Variants in PCNT observed in about 807,000 individuals in gnomAD.
PCNT encodes the protein kendrin.
PCNT carries 319 observed loss-of-function variants against 380.4 expected under a neutral mutation model. The ratio of observed to expected loss-of-function variants is 0.84; its 90% CI spans 0.77 to 0.92. The LOEUF is 0.92. PCNT is among the 40% of genes least tolerant of loss of function. The probability of loss-of-function intolerance (pLI) is 0.00; values close to 1 mark genes in which losing one functional copy is unlikely to be tolerated. For missense variants in PCNT, 4,400 were observed against 4,255.3 expected, an observed-to-expected ratio of 1.03 and a Z score of -0.95; for synonymous variants, 1,845 against 1,735.2, an observed-to-expected ratio of 1.06 and a Z score of -1.57.
chr21:46,412,082 C>G lies in PCNT; in HGVS notation c.5994+15C>G. On this transcript the variant is annotated intron_variant, in intron 28 of 46. Transcript: ENST00000359568. Reference sequence around the variant, plus strand: ...CTGACCCACAGGTGGGCTCCCCCCGCGGGCCATGGCAGGGTATTTTTTTTT... The same window carrying G: ...CTGACCCACAGGTGGGCTCCCCCCGGGGGCCATGGCAGGGTATTTTTTTTT... 1 of 1,603,098 alleles carries G rather than the reference C, an allele frequency of 6.2e-7. No individual in the cohort carries two copies. The highest frequency in any genetic ancestry group is 8.5e-7 in the Non-Finnish European group (1 of 1,179,462).
intron 15 of PCNT, among the ~76,000 whole-genome samples, chr21:46,369,323 C>T (rs915677271): frequency 6.6e-6 from 1 of 152,236 alleles, no homozygotes; most frequent in African/African-American, 2.4e-5. Context: ...ATCCTCTTGC[C>T]TTGGCCTCCC....
At position 46,349,693 on chromosome 21, in the gene PCNT, G is replaced by A. The variant is rs1327374022; in HGVS notation, c.1217G>A (p.Arg406Lys). 3 of 1,613,958 alleles carry A rather than the reference G, an allele frequency of 1.9e-6. No homozygotes were observed. ...TGCTTTACCTTTCTAGGGGCCCTTA[G>A]GAACCTGGAGAGTCATCATCAAGCA... ...QDKNQAERAL[R>K]NLESHHQAAI... is the part of the protein sequence containing the mutation. The change falls in exon 8 of 47, where the codon AGG (arginine) becomes AAG (lysine). Residue 406 changes from arginine (R) to lysine (K), a missense_variant. By Grantham distance (26) the Arg-to-Lys change is conservative. Coordinates refer to ENST00000359568, the MANE Select transcript of PCNT (RefSeq NM_006031.6).
chr21:46,394,961 C>G (rs1471063741), intron 21 of PCNT, among the ~76,000 whole-genome samples: 1 of 152,226 alleles, frequency 6.6e-6, no homozygotes, highest in East Asian at 1.9e-4. Context: ...TCAGCAGGCA[C>G]CCTGCCCCAG....
chr21:46,401,701 C>T lies in PCNT; in HGVS notation c.4942C>T (p.Leu1648Phe), dbSNP rs774208397. 1.9e-6 allele frequency: 3 copies of T among 1,614,076 alleles called. No homozygotes were observed. Among genetic ancestry groups the T allele is most frequent in the South Asian group, 2.2e-5 (2 of 91,058 alleles). Residue 1648 changes from leucine (L) to phenylalanine (F), a missense_variant, in exon 26 of 47, where the codon CTC (leucine) becomes TTC (phenylalanine). Physicochemically the swap from Leu to Phe is conservative, Grantham distance 22. Transcript: ENST00000359568. ...ACAGTTAGAGGTGACACAGAGAGCA[C>T]TCCTGCGGCGCGAGAGCGAGGTGAG... ...EIQLEVTQRA[L>F]LRRESEVLDL...
chr21:46,354,195 G>A (rs933278059), intron 11 of PCNT, 127 bp downstream of exon 11: 65 of 848,650 alleles, frequency 7.7e-5, no homozygotes, highest in African/African-American at 4.7e-4. Flanking sequence ...GGCTGCTTGC[G>A]GATGCTGCCC....
intron 37 of PCNT, 109 bp downstream of exon 37, chr21:46,430,766 A>G (rs2087724572): frequency 6.5e-7 from 1 of 1,537,710 alleles, no homozygotes; most frequent in Admixed American, 2.0e-5. Flanking sequence ...CAGTGCACCC[A>G]GTTGACAGCA....
chr21:46,430,449 C>T, intron 36 of PCNT, 58 bp from the exon 37 acceptor site: 7 of 1,539,908 alleles, frequency 4.5e-6, no homozygotes, highest in South Asian at 1.2e-5. Flanking sequence ...GAGCTCCCAG[C>T]CCCCGGGAAC....
chr21:46,416,941 A>G, intron 30 of PCNT, 102 bp downstream of exon 30: 3 of 1,161,632 alleles, frequency 2.6e-6, no homozygotes, highest in Non-Finnish European at 3.7e-6. Context: ...GACAGCACAC[A>G]CCTCGCAGTG....
intron 13 of PCNT, 41 bp downstream of exon 13, chr21:46,357,232 C>A: frequency 1.5e-6 from 2 of 1,375,116 alleles, no homozygotes; most frequent in Non-Finnish European, 1.0e-6. Flanking sequence ...CCGCCCGAGT[C>A]CTTGCTCTCT....
At chr21:46,333,427 G>A (rs907693212) in intron 2 of PCNT, among the ~76,000 whole-genome samples, 3 of 149,484 alleles carry the variant, frequency 2.0e-5, no homozygotes, top group African/African-American at 5.0e-5. Flanking sequence ...GTGAGACTTC[G>A]TCTCAAAAAA....
intron 37 of PCNT, chr21:46,431,261 A>T: frequency 7.5e-7 from 1 of 1,327,168 alleles, no homozygotes; most frequent in South Asian, 1.6e-5. Context: ...ACATCTCTGA[A>T]TCATTTTCTG....
At chr21:46,444,315 C>T (rs2053693013) in intron 45 of PCNT, among the ~76,000 whole-genome samples, 1 of 152,040 alleles carries the variant, frequency 6.6e-6, no homozygotes, top group African/African-American at 2.4e-5. Flanking sequence ...CTGGGCCTGG[C>T]GGAAGGCTAG....
At chr21:46,365,391 ACTGCCG>A in intron 14 of PCNT, among the ~76,000 whole-genome samples, 1 of 139,920 alleles carries the variant, frequency 7.1e-6, no homozygotes, top group Non-Finnish European at 1.5e-5. Flanking sequence ...GGTTCTGTTC[ACTGCCG>A]TGGGGTTCTG....
At chr21:46,413,951 C>T (rs2086905610) in intron 29 of PCNT, among the ~76,000 whole-genome samples, 1 of 152,046 alleles carries the variant, frequency 6.6e-6, no homozygotes, top group South Asian at 2.1e-4. Context: ...GCCCTCTCCT[C>T]AGGCCGCATC....
intron 15 of PCNT, 105 bp downstream of exon 15, chr21:46,367,244 CG>C: frequency 2.1e-6 from 2 of 948,444 alleles, no homozygotes; most frequent in Non-Finnish European, 3.2e-6. Flanking sequence ...TGTGCCTGTG[CG>C]GGTGTCTGTG....
chr21:46,399,477 G>T (rs898763603), intron 24 of PCNT, 113 bp from the exon 25 acceptor site: 10 of 782,028 alleles, frequency 1.3e-5, no homozygotes, highest in African/African-American at 1.2e-4. Context: ...TGGGTCTAGG[G>T]GAGGGCATAG....
chr21:46,386,558 C>T (rs2085844923), intron 17 of PCNT, among the ~76,000 whole-genome samples: 1 of 152,226 alleles, frequency 6.6e-6, no homozygotes, highest in Non-Finnish European at 1.5e-5. Flanking sequence ...TGTGGGTCTG[C>T]TTACCACGGG....
chr21:46,363,858 A>G lies in PCNT; in HGVS notation c.2533A>G (p.Thr845Ala). The change falls in exon 14 of 47, where the codon ACA (threonine) becomes GCA (alanine). Residue 845 changes from threonine to alanine, a missense_variant. Transcript: ENST00000359568. ...HCSQCGREPPTAQDGELAALH... is the reference protein window; with the variant it reads ...HCSQCGREPPAAQDGELAALH... The stretch of plus-strand genomic sequence containing the variant: ...CAGCCAGTGTGGGCGGGAGCCGCCC[A>G]CAGCCCAGGACGGGGAGCTTGCTGC... 1 of 1,611,986 alleles carries G rather than the reference A, an allele frequency of 6.2e-7. No homozygotes were observed. Among genetic ancestry groups the G allele is most frequent in the Non-Finnish European group, 8.5e-7 (1 of 1,179,152 alleles).
At position 46,424,773 on chromosome 21, in the gene PCNT, C is replaced by T. The variant is rs528065740; in HGVS notation, c.7180-1058C>T. ...TGCTCCCCCCGTCTCCGCTCCTCCC[C>T]GCACCACCCCGCTCCCCTCAACCCC... is the stretch of plus-strand genomic sequence containing the variant. On this transcript the variant is annotated intron_variant, in intron 32 of 46. Coordinates refer to ENST00000359568, the MANE Select transcript of PCNT (RefSeq NM_006031.6). Among the ~76,000 whole-genome samples the T allele has an allele frequency of 6.7e-5, 10 of 150,218 alleles. No homozygotes were observed. In the East Asian group the frequency reaches 1.6e-3, roughly 24 times the overall value.
Sources: allele counts gnomAD v4.1 joint callset (sites outside exome capture counted in the v4.1 genomes callset), GRCh38; gene constraint gnomAD v4.1.1; transcripts MANE v1.5; gene names NCBI Gene and HGNC (gene_info 2026-07-23, HGNC 2026-07-21).